PCDHGA5: variants seen among roughly 807,000 people sequenced by gnomAD.
PCDHGA5 encodes protocadherin gamma subfamily A, 5.
PCDHGA5 carries 36 observed loss-of-function variants against 56.7 expected under a neutral mutation model. The observed-to-expected ratio is 0.64, with a 90% CI of 0.49 to 0.84. PCDHGA5 has a LOEUF of 0.84. PCDHGA5 is among the 40% of genes least tolerant of loss of function. The pLI is 0.00. For synonymous variants in PCDHGA5, 563 were observed against 520.2 expected, an observed-to-expected ratio of 1.08 and a Z score of -1.12; for missense variants, 1,305 against 1,201.5, an observed-to-expected ratio of 1.09 and a Z score of -1.27.
chr5:141,431,768 G>T lies in PCDHGA5; in HGVS notation c.2422-63039G>T. 6.2e-7 allele frequency: 1 copy of T among 1,614,218 alleles called. No individual in the cohort carries two copies. The highest frequency in any genetic ancestry group is 8.5e-7 in the Non-Finnish European group (1 of 1,180,036). On this transcript the variant is annotated intron_variant, in intron 1 of 3. Coordinates refer to ENST00000518069, the MANE Select transcript of PCDHGA5 (RefSeq NM_018918.3). The surrounding 1 kb of genome is among the most constrained non-coding windows in gnomAD (Gnocchi z 4.8). ...TGCGCGAGCCAAAGTCCTGATCACT[G>T]TTCTGGACGTGAACGACAATGCCCC...
intron 1 of PCDHGA5, chr5:141,370,391 C>A (rs1766857480): frequency 1.9e-6 from 3 of 1,542,934 alleles, no homozygotes; most frequent in African/African-American, 1.4e-5. Context: ...GCGCAGAGAG[C>A]GGGATGGGAA....
chr5:141,395,178 G>T (rs1201622292), intron 1 of PCDHGA5: 2 of 1,614,142 alleles, frequency 1.2e-6, no homozygotes, highest in Non-Finnish European at 1.7e-6. Context: ...TGAGAAAAAT[G>T]ATTCTTTGTT....
chr5:141,498,827 G>C (rs2099786072), intron 2 of PCDHGA5, among the ~76,000 whole-genome samples: 1 of 152,102 alleles, frequency 6.6e-6, no homozygotes, highest in Non-Finnish European at 1.5e-5. Context: ...CAGCTACTCA[G>C]GAGGCTGAGG....
chr5:141,410,544 G>T, intron 1 of PCDHGA5: 1 of 1,613,640 alleles, frequency 6.2e-7, no homozygotes, highest in Non-Finnish European at 8.5e-7. Flanking sequence ...GACATGGTTT[G>T]CAGTGTTTCT....
At chr5:141,398,844 C>A in intron 1 of PCDHGA5, 1 of 1,613,966 alleles carries the variant, frequency 6.2e-7, no homozygotes, top group Non-Finnish European at 8.5e-7. Context: ...ATGATAATCC[C>A]CCGGTATTCA....
chr5:141,448,983 T>G (rs1157371020), intron 1 of PCDHGA5, among the ~76,000 whole-genome samples: 1 of 152,004 alleles, frequency 6.6e-6, no homozygotes, highest in East Asian at 1.9e-4. Flanking sequence ...ACTTCCATAT[T>G]AATATATAGA....
intron 1 of PCDHGA5, chr5:141,376,357 A>G: frequency 6.2e-7 from 1 of 1,614,012 alleles, no homozygotes; most frequent in Non-Finnish European, 8.5e-7. Context: ...ACGAGGTCTC[A>G]CTCACTGCAG....
chr5:141,384,412 G>T lies in PCDHGA5; in HGVS notation c.2421+17661G>T, dbSNP rs776239248. The T allele has an allele frequency of 9.9e-6, 16 of 1,613,894 alleles. 1 individual carries two copies. The Middle Eastern group carries it at 2.3e-3, about 233-fold the overall frequency. ...CCAGGGGGCTCCAGTGTCCTCCTAT[G>T]TCTCCATAAACTCTGACACTGGAGT... On this transcript the variant is annotated intron_variant, in intron 1 of 3. Transcript: ENST00000518069.
rs1399844519 is a variant in PCDHGA5 at position 141,477,484 on chromosome 5, A to G, written c.2422-17323A>G. 1.2e-6 allele frequency: 2 copies of G among 1,614,014 alleles called. No homozygotes were observed. The highest frequency in any genetic ancestry group is 1.7e-6 in the Non-Finnish European group (2 of 1,180,006). ...CCGACATCAATGACAACCCTCCACAATCTTCTCAATCTTCCTACGACGTTT... is the reference window on the plus strand; with the variant it reads ...CCGACATCAATGACAACCCTCCACAGTCTTCTCAATCTTCCTACGACGTTT... On this transcript the variant is annotated intron_variant, in intron 1 of 3. Coordinates refer to ENST00000518069, the MANE Select transcript of PCDHGA5 (RefSeq NM_018918.3). This position sits in a 1 kb window ranked among gnomAD's most constrained non-coding sequence, Gnocchi z 4.9.
chr5:141,414,715 G>A, intron 1 of PCDHGA5: 1 of 1,614,128 alleles, frequency 6.2e-7, no homozygotes. Context: ...CATCAACTCA[G>A]ACACTGGCGT....
intron 1 of PCDHGA5, chr5:141,427,830 C>T (rs749612858): frequency 7.8e-6 from 12 of 1,538,204 alleles, no homozygotes; most frequent in African/African-American, 1.4e-5. Flanking sequence ...GGTCGCGCAG[C>T]GTGCCTTCGA....
In PCDHGA5 at chr5:141,370,967, C is replaced by T. The variant is rs776738496; in HGVS notation, c.2421+4216C>T. On this transcript the variant is annotated intron_variant, in intron 1 of 3. Transcript: ENST00000518069. ...AGGAGAACCTGGATGGCAGTAGGTA[C>T]CCAGAGCTAGTACTGAAAGCACCCC... is the stretch of plus-strand genomic sequence containing the variant. 9.3e-6 allele frequency: 15 copies of T among 1,613,878 alleles called. 1 individual carries two copies. The South Asian group carries it at 1.3e-4, about 14-fold the overall frequency.
chr5:141,478,409 G>A, intron 1 of PCDHGA5: 1 of 1,613,016 alleles, frequency 6.2e-7, no homozygotes, highest in South Asian at 1.1e-5. Flanking sequence ...TCTCACCACG[G>A]ACTCCCGCCG....
rs1293684074 is a variant in PCDHGA5 at position 141,512,899 on chromosome 5, C to T, written c.*1726C>T. On this transcript the variant is annotated 3_prime_UTR_variant, in exon 4 of 4. Transcript: ENST00000518069. ...CCCACCCCACCCTCTTCCTGTGTCT[C>T]ACGCAAGTTTTATACTCTAATATTT... 1 of 152,260 alleles carries T rather than the reference C, an allele frequency of 6.6e-6. No homozygotes were observed. Among genetic ancestry groups the T allele is most frequent in the Non-Finnish European group, 1.5e-5 (1 of 68,064 alleles). 9.4% of individuals were successfully genotyped at this position (152,260 alleles called of 1,614,324 possible). A position where few individuals can be genotyped will look rare whatever the true frequency, so the allele number is the denominator to read the frequency against.
intron 1 of PCDHGA5, among the ~76,000 whole-genome samples, chr5:141,429,774 G>A (rs1175985162): frequency 6.6e-6 from 1 of 152,070 alleles, no homozygotes; most frequent in Non-Finnish European, 1.5e-5. Context: ...ATTTTGATGG[G>A]CTTCCAAAAG....
chr5:141,391,749 G>A (rs147297013), intron 1 of PCDHGA5: 1 of 152,154 alleles, frequency 6.6e-6, no homozygotes, highest in African/African-American at 2.4e-5. Flanking sequence ...CTTATCCTTT[G>A]GCTTCTTAGT....
In PCDHGA5 at chr5:141,489,180, C is replaced by T. The variant is rs942218118; in HGVS notation, c.2422-5627C>T. 7.9e-7 allele frequency: 1 copy of T among 1,259,748 alleles called. No homozygotes were observed. The highest frequency in any genetic ancestry group is 2.0e-4 in the Middle Eastern group (1 of 5,096). The allele number at this position is 1,259,748 out of a possible 1,614,324, so 78.0% of individuals were successfully genotyped here. A position where few individuals can be genotyped will look rare whatever the true frequency, so the allele number is the denominator to read the frequency against. On this transcript the variant is annotated intron_variant, in intron 1 of 3. Coordinates refer to ENST00000518069, the MANE Select transcript of PCDHGA5 (RefSeq NM_018918.3). This position sits in a 1 kb window ranked among gnomAD's most constrained non-coding sequence, Gnocchi z 4.5. ...GACTTCAGCTGCTGCATTCCAAGCCCTGGGTCTACCTTGGAGACAGGACAG... is the reference window on the plus strand; with the variant it reads ...GACTTCAGCTGCTGCATTCCAAGCCTTGGGTCTACCTTGGAGACAGGACAG...
At position 141,372,147 on chromosome 5, in the gene PCDHGA5, G is replaced by A. The variant is rs374383984; in HGVS notation, c.2421+5396G>A. ...TATGGTGCCGCGCTCTGCAGAGCCT[G>A]GCTACCTGGTGACCAAGGTGGTGGC... On this transcript the variant is annotated intron_variant, in intron 1 of 3. Coordinates refer to ENST00000518069, the MANE Select transcript of PCDHGA5 (RefSeq NM_018918.3). 52 of 1,613,776 alleles carry A rather than the reference G, an allele frequency of 3.2e-5. No homozygotes were observed. In the Middle Eastern group the frequency reaches 5.0e-4, roughly 15 times the overall value.
At chr5:141,430,384 A>G (rs547268242) in intron 1 of PCDHGA5, among the ~76,000 whole-genome samples, 32 of 122,116 alleles carry the variant, frequency 2.6e-4, no homozygotes, top group East Asian at 6.6e-4. Context: ...GCTCATTGGG[A>G]AAAAAAAAAA....
Sources: gnomAD v4.1 joint callset for allele counts (sites outside exome capture counted in the v4.1 genomes callset) on GRCh38, gnomAD v4.1.1 for gene constraint, Gnocchi (gnomAD v3.1) non-coding constraint, MANE v1.5 for transcripts, NCBI Gene and HGNC (gene_info 2026-07-23, HGNC 2026-07-21) for gene names.